Variants in HCN1 observed in about 807,000 individuals in gnomAD.
The protein encoded by HCN1 is potassium/sodium hyperpolarization-activated cyclic nucleotide-gated channel 1.
In HCN1, 13 loss-of-function variants were observed where a neutral mutation model predicts 78.9. That is an observed-to-expected ratio of 0.16 (90% CI 0.11 to 0.26). The LOEUF is 0.26. Ranked by LOEUF, HCN1 falls within the 10% of genes least tolerant of loss-of-function variation. HCN1 has a pLI of 1.00. For missense variants in HCN1, 810 were observed against 1,154.3 expected (o/e 0.70, Z 4.32); for synonymous variants, 552 against 455.5 (o/e 1.21, Z -2.70).
At chr5:45,490,016 C>T (rs1369955627) in intron 2 of HCN1, among the ~76,000 whole-genome samples, 2 of 152,168 alleles carry the variant, frequency 1.3e-5, no homozygotes, top group Non-Finnish European at 2.9e-5. Context: ...CTGTATTTTA[C>T]TTGGCAAACC....
chr5:45,382,643 A>C (rs1225570023), intron 4 of HCN1, among the ~76,000 whole-genome samples: 2 of 152,122 alleles, frequency 1.3e-5, no homozygotes, highest in Non-Finnish European at 2.9e-5. Flanking sequence ...CCGTATTTCA[A>C]ATTTTGGAAA....
At chr5:45,348,891 C>A (rs1746814565) in intron 5 of HCN1, among the ~76,000 whole-genome samples, 1 of 152,274 alleles carries the variant, frequency 6.6e-6, no homozygotes, top group East Asian at 1.9e-4. Flanking sequence ...GAGTGACCTA[C>A]AAAGAGACTT....
intron 2 of HCN1, among the ~76,000 whole-genome samples, chr5:45,551,517 A>T (rs2111856005): frequency 6.6e-6 from 1 of 152,068 alleles, no homozygotes; most frequent in East Asian, 1.9e-4. Context: ...ATGGAGAATT[A>T]GAAAATGATA....
chr5:45,334,351 T>A (rs1489607378), intron 5 of HCN1, among the ~76,000 whole-genome samples: 2 of 151,828 alleles, frequency 1.3e-5, no homozygotes, highest in South Asian at 2.1e-4. Context: ...ATTCCACATG[T>A]GCTTCCAAAT....
intron 5 of HCN1, among the ~76,000 whole-genome samples, chr5:45,307,844 T>C (rs1745767808): frequency 6.6e-6 from 1 of 152,130 alleles, no homozygotes; most frequent in Non-Finnish European, 1.5e-5. Flanking sequence ...CTGTAGTTAT[T>C]ACAAATGTAG....
At chr5:45,515,480 A>G (rs903372240) in intron 2 of HCN1, among the ~76,000 whole-genome samples, 3 of 152,032 alleles carry the variant, frequency 2.0e-5, no homozygotes, top group Non-Finnish European at 2.9e-5. Flanking sequence ...GTACCATTCA[A>G]TTCAATTCAA....
At chr5:45,306,025 T>C (rs781641763) in intron 5 of HCN1, among the ~76,000 whole-genome samples, 1 of 152,092 alleles carries the variant, frequency 6.6e-6, no homozygotes, top group Non-Finnish European at 1.5e-5. Context: ...GTTTTTACTA[T>C]TTCAAATATT....
At chr5:45,466,255 A>C (rs548241549) in intron 2 of HCN1, among the ~76,000 whole-genome samples, 88 of 152,284 alleles carry the variant, frequency 5.8e-4, no homozygotes, top group Non-Finnish European at 1.1e-3. Context: ...TAGCTTGTAT[A>C]TAAAACGAAT....
intron 1 of HCN1, among the ~76,000 whole-genome samples, chr5:45,687,661 T>C (rs902917201): frequency 2.0e-5 from 3 of 152,178 alleles, no homozygotes; most frequent in Non-Finnish European, 4.4e-5. Context: ...CTTTGGCTGT[T>C]TGATTTAGTC....
chr5:45,375,249 C>G (rs1280307903), intron 4 of HCN1, among the ~76,000 whole-genome samples: 1 of 107,644 alleles, frequency 9.3e-6, no homozygotes, highest in Non-Finnish European at 1.7e-5. Context: ...ATATATTATA[C>G]ATAATATAAT....
intron 1 of HCN1, among the ~76,000 whole-genome samples, chr5:45,693,875 A>C (rs1055392761): frequency 3.9e-5 from 6 of 152,222 alleles, no homozygotes; most frequent in Non-Finnish European, 8.8e-5. Context: ...GCATTTTTGC[A>C]TGTTAATATT....
intron 2 of HCN1, among the ~76,000 whole-genome samples, chr5:45,478,733 G>C (rs1395624847): frequency 1.3e-5 from 2 of 152,132 alleles, no homozygotes; most frequent in South Asian, 2.1e-4. Context: ...TAATGTGTGT[G>C]GTGTGTCTGT....
intron 2 of HCN1, chr5:45,644,308 T>C (rs894172991): frequency 5.3e-5 from 8 of 152,144 alleles, no homozygotes; most frequent in African/African-American, 1.2e-4. Context: ...ATGCAGACTA[T>C]AAAATTCAGG....
chr5:45,564,051 T>A (rs1254435276), intron 2 of HCN1, among the ~76,000 whole-genome samples: 1 of 152,138 alleles, frequency 6.6e-6, no homozygotes, highest in Non-Finnish European at 1.5e-5. Flanking sequence ...ATCTACATCC[T>A]CAGACCCAAT....
chr5:45,268,575 A>T (rs1739030756), intron 6 of HCN1, among the ~76,000 whole-genome samples: 1 of 152,232 alleles, frequency 6.6e-6, no homozygotes, highest in African/African-American at 2.4e-5. Context: ...TTTGAATACA[A>T]TCTGGTAAGA....
At chr5:45,438,291 G>A (rs1740599796) in intron 3 of HCN1, among the ~76,000 whole-genome samples, 1 of 152,104 alleles carries the variant, frequency 6.6e-6, no homozygotes, top group Non-Finnish European at 1.5e-5. Flanking sequence ...TGTTGATACA[G>A]AATGGCTAAG....
intron 4 of HCN1, among the ~76,000 whole-genome samples, chr5:45,395,512 C>T (rs1317716208): frequency 4.6e-5 from 7 of 152,060 alleles, no homozygotes; most frequent in Non-Finnish European, 8.8e-5. Flanking sequence ...TATCTAGGTT[C>T]CCTTTCTCAT....
intron 3 of HCN1, among the ~76,000 whole-genome samples, chr5:45,433,559 T>C (rs1740506036): frequency 6.6e-6 from 1 of 152,096 alleles, no homozygotes; most frequent in African/African-American, 2.4e-5. Context: ...AATTTGGGCA[T>C]TTAGCCTATT....
chr5:45,350,029 A>G (rs572250107), intron 5 of HCN1, among the ~76,000 whole-genome samples: 3 of 152,280 alleles, frequency 2.0e-5, no homozygotes, highest in African/African-American at 7.2e-5. Flanking sequence ...TTTTGTGAGG[A>G]CAGCATCATC....
Sources: allele counts gnomAD v4.1 joint callset (sites outside exome capture counted in the v4.1 genomes callset), GRCh38; gene constraint gnomAD v4.1.1; transcripts MANE v1.5; gene names NCBI Gene and HGNC (gene_info 2026-07-23, HGNC 2026-07-21).